ANGPTL2: variants seen among roughly 807,000 people sequenced by gnomAD.
ANGPTL2 encodes angiopoietin like 2.
A neutral mutation model predicts 52.8 loss-of-function variants in ANGPTL2; 25 were observed. The ratio of observed to expected loss-of-function variants is 0.47; its 90% confidence interval spans 0.35 to 0.66. The LOEUF (loss-of-function observed/expected upper bound fraction) is 0.66, where lower values mean the gene tolerates loss of function less well. Among genes scored for constraint, ANGPTL2 ranks in the 30% least tolerant of loss-of-function variants. The probability of loss-of-function intolerance (pLI) is 0.01; values close to 1 mark genes in which losing one functional copy is unlikely to be tolerated. For missense variants in ANGPTL2, 546 were observed against 656.9 expected, an observed-to-expected ratio of 0.83 and a Z score of 1.84; for synonymous variants, 276 against 277.4, an observed-to-expected ratio of 1.00 and a Z score of 0.05.
intron 2 of ANGPTL2, among the ~76,000 whole-genome samples, chr9:127,104,879 TG>T (rs1432002844): frequency 3.3e-5 from 5 of 152,246 alleles, no homozygotes; most frequent in African/African-American, 1.2e-4. Context: ...AAGGATCTGT[TG>T]GGTAAGAGCA....
At chr9:127,117,326 A>C in intron 1 of ANGPTL2, among the ~76,000 whole-genome samples, 1 of 152,256 alleles carries the variant, frequency 6.6e-6, no homozygotes, top group East Asian at 1.9e-4. Flanking sequence ...AAGCAGGGCC[A>C]GGGCAGATTC....
chr9:127,101,433 C>T (rs535843780), intron 2 of ANGPTL2, among the ~76,000 whole-genome samples: 1 of 152,200 alleles, frequency 6.6e-6, no homozygotes, highest in South Asian at 2.1e-4. Flanking sequence ...CTTGCAGGCT[C>T]ACTCCATGAG....
intron 1 of ANGPTL2, among the ~76,000 whole-genome samples, chr9:127,112,035 CCACCT>C (rs1261258905): frequency 6.6e-6 from 1 of 152,224 alleles, no homozygotes; most frequent in East Asian, 1.9e-4. Context: ...GGTCTGGGCT[CCACCT>C]TGGACCAGCC....
chr9:127,098,121 A>T (rs1564572891), intron 2 of ANGPTL2, among the ~76,000 whole-genome samples: 1 of 152,238 alleles, frequency 6.6e-6, no homozygotes, highest in Non-Finnish European at 1.5e-5. Context: ...TACAAGACTA[A>T]ATGTAAGATA....
chr9:127,110,287 C>G (rs1254243688), intron 1 of ANGPTL2, among the ~76,000 whole-genome samples: 2 of 152,154 alleles, frequency 1.3e-5, no homozygotes, highest in South Asian at 2.1e-4. Flanking sequence ...AATATTTTCC[C>G]TCTCACACTG....
intron 2 of ANGPTL2, among the ~76,000 whole-genome samples, chr9:127,105,700 C>G (rs1214974930): frequency 6.6e-6 from 1 of 152,188 alleles, no homozygotes; most frequent in African/African-American, 2.4e-5. Flanking sequence ...GATACTCCCT[C>G]CCAGAGAAAT....
intron 2 of ANGPTL2, among the ~76,000 whole-genome samples, chr9:127,104,079 A>G (rs2053993365): frequency 6.6e-6 from 1 of 152,122 alleles, no homozygotes; most frequent in Admixed American, 6.5e-5. Context: ...ATGCTAGGGG[A>G]TCTGAGAGGC....
In ANGPTL2 at chr9:127,091,888, T is replaced by C. The variant is rs535337292; in HGVS notation, c.1064A>G (p.Tyr355Cys). 2.5e-6 allele frequency: 4 copies of C among 1,614,108 alleles called. No individual in the cohort carries two copies. The South Asian group carries it at 3.3e-5, about 13-fold the overall frequency. ...GTAGTTGCCTTGGTTCGTCAGCCAG[T>C]AAATGTTCTCCAGGCCCAGCCAGTA... ...GEYWLGLENI[Y>C]WLTNQGNYKL... Residue 355 changes from tyrosine to cysteine, a missense_variant, in exon 4 of 5, where the codon TAC becomes TGC. Tyr to Cys is a radical substitution (Grantham distance 194). Around this residue, in one of 2 missense-constraint regions of ANGPTL2, gnomAD observed 261 missense variants for 361.0 expected, o/e 0.72. Coordinates refer to ENST00000373425, the MANE Select transcript of ANGPTL2 (RefSeq NM_012098.3). This position sits in a 1 kb window ranked among gnomAD's most constrained non-coding sequence, Gnocchi z 4.3.
chr9:127,113,517 G>A (rs758559655), intron 1 of ANGPTL2, among the ~76,000 whole-genome samples: 18 of 23,176 alleles, frequency 7.8e-4, no homozygotes, highest in Non-Finnish European at 1.4e-3. Flanking sequence ...CCCCCACCCC[G>A]GCATTCCAGC....
intron 4 of ANGPTL2, among the ~76,000 whole-genome samples, chr9:127,089,738 T>C (rs538018380): frequency 6.6e-6 from 1 of 152,364 alleles, no homozygotes; most frequent in South Asian, 2.1e-4. Context: ...CTTGGCATTA[T>C]CACATCATGC....
chr9:127,093,872 A>T lies in ANGPTL2; in HGVS notation c.872T>A (p.Ile291Asn), dbSNP rs1256357799. ...ALEDGHDTSS[I>N]YLVKPENTNR... ...GGTGTTCTCCGGCTTCACCAGGTAG[A>T]TGGAGCTGGTGTCGTGGCCATCCTC... Residue 291 changes from isoleucine (I) to asparagine (N), a missense_variant, in exon 3 of 5, where the codon ATC becomes AAC. By Grantham distance (149) the Ile-to-Asn change is moderately radical (BLOSUM62 -3). Coordinates refer to ENST00000373425, the MANE Select transcript of ANGPTL2 (RefSeq NM_012098.3). The T allele has an allele frequency of 1.2e-6, 2 of 1,614,072 alleles. No homozygotes were observed. The highest frequency in any genetic ancestry group is 1.7e-6 in the Non-Finnish European group (2 of 1,180,008).
chr9:127,105,164 C>T (rs2054100353), intron 2 of ANGPTL2, among the ~76,000 whole-genome samples: 1 of 152,160 alleles, frequency 6.6e-6, no homozygotes, highest in Non-Finnish European at 1.5e-5. Flanking sequence ...TGAGATGGGT[C>T]ACAAGAAATC....
chr9:127,114,659 A>G (rs556036194), intron 1 of ANGPTL2, among the ~76,000 whole-genome samples: 1 of 152,324 alleles, frequency 6.6e-6, no homozygotes, highest in East Asian at 1.9e-4. Flanking sequence ...AGCACTGCCC[A>G]TTGGTCTGTG....
At chr9:127,113,573 C>A (rs181626613) in intron 1 of ANGPTL2, among the ~76,000 whole-genome samples, 2 of 148,402 alleles carry the variant, frequency 1.3e-5, no homozygotes, top group Non-Finnish European at 3.0e-5. Flanking sequence ...AAGTGATGCT[C>A]CTCACTTTTT....
At chr9:127,107,823 G>C in intron 2 of ANGPTL2, 92 bp downstream of exon 2, 1 of 1,340,460 alleles carries the variant, frequency 7.5e-7, no homozygotes, top group Non-Finnish European at 1.0e-6. Flanking sequence ...GCTTCAACTG[G>C]CCATGGCTTT....
At chr9:127,099,697 T>A (rs1194858085) in intron 2 of ANGPTL2, among the ~76,000 whole-genome samples, 6 of 152,254 alleles carry the variant, frequency 3.9e-5, no homozygotes, top group Admixed American at 2.6e-4. Flanking sequence ...ATATATATTC[T>A]ATGTCAATCA....
chr9:127,121,038 G>A (rs2056026631), intron 1 of ANGPTL2, among the ~76,000 whole-genome samples: 1 of 152,140 alleles, frequency 6.6e-6, no homozygotes, highest in Non-Finnish European at 1.5e-5. Context: ...ACACCACTGG[G>A]TTCAAGTCCT....
chr9:127,103,654 A>G (rs1270713691), intron 2 of ANGPTL2, among the ~76,000 whole-genome samples: 2 of 152,144 alleles, frequency 1.3e-5, no homozygotes, highest in Non-Finnish European at 2.9e-5. Context: ...GGGGAGCATG[A>G]TGTTGGTGGG....
intron 3 of ANGPTL2, among the ~76,000 whole-genome samples, chr9:127,093,203 C>T (rs1405360190): frequency 4.6e-5 from 7 of 152,114 alleles, no homozygotes; most frequent in African/African-American, 7.2e-5. Flanking sequence ...GCAACTTTCC[C>T]TGCTACACAG....
Sources: gnomAD v4.1 joint callset for allele counts (sites outside exome capture counted in the v4.1 genomes callset) on GRCh38, gnomAD v4.1.1 for gene constraint, gnomAD v4.1.1 regional missense constraint, Gnocchi (gnomAD v3.1) non-coding constraint, MANE v1.5 for transcripts, NCBI Gene and HGNC (gene_info 2026-07-23, HGNC 2026-07-21) for gene names.